IMPACT: variants seen among roughly 807,000 people sequenced by gnomAD.
IMPACT encodes the protein protein IMPACT.
A neutral mutation model predicts 47.5 loss-of-function variants in IMPACT; 35 were observed. The ratio of observed to expected loss-of-function variants is 0.74; its 90% CI spans 0.56 to 0.98. The LOEUF (loss-of-function observed/expected upper bound fraction) is 0.98, where lower values mean the gene tolerates loss of function less well. Among genes scored for constraint, IMPACT ranks in the 50% least tolerant of loss-of-function variants. The pLI is 0.00. For synonymous variants in IMPACT, 118 were observed against 125.6 expected (o/e 0.94, Z 0.40); for missense variants, 373 against 394.8 (o/e 0.94, Z 0.47).
chr18:24,450,922 G>T lies in IMPACT; in HGVS notation c.*75G>T. The T allele has an allele frequency of 1.1e-6, 1 of 890,448 alleles. No individual in the cohort carries two copies. Among genetic ancestry groups the T allele is most frequent in the Non-Finnish European group, 1.8e-6 (1 of 560,294 alleles). The allele number at this position is 890,448 out of a possible 1,614,324, so 55.2% of individuals were successfully genotyped here. A position where few individuals can be genotyped will look rare whatever the true frequency, so the allele number is the denominator to read the frequency against. On this transcript the variant is annotated 3_prime_UTR_variant, in exon 11 of 11. Coordinates refer to ENST00000284202, the MANE Select transcript of IMPACT (RefSeq NM_018439.4). ...CCATAGTCATCAAGGAATATATTGT[G>T]CAGAGAGAGTATCCTTGACTGCTTA... is the stretch of plus-strand genomic sequence containing the variant.
Position 24,452,292 on chromosome 18 carries a change from A to G in IMPACT, c.*1445A>G, listed in dbSNP as rs934326055. On this transcript the variant is annotated 3_prime_UTR_variant, in exon 11 of 11. Coordinates refer to ENST00000284202, the MANE Select transcript of IMPACT (RefSeq NM_018439.4). The stretch of plus-strand genomic sequence containing the variant: ...ATTCTAAATTATATTTGTTATAACT[A>G]TATTTTATGTTGTATGTTATCAGGA... 2 of 152,160 alleles carry G rather than the reference A, an allele frequency of 1.3e-5. No homozygotes were observed. The highest frequency in any genetic ancestry group is 3.2e-3 in the Middle Eastern group (1 of 316). 9.4% of individuals were successfully genotyped at this position (152,160 alleles called of 1,614,324 possible).
chr18:24,443,729 T>G (rs1183622345), intron 7 of IMPACT, among the ~76,000 whole-genome samples: 1 of 152,232 alleles, frequency 6.6e-6, no homozygotes, highest in Non-Finnish European at 1.5e-5. Flanking sequence ...TCCTTTGTGC[T>G]TCTTGATCTT....
At chr18:24,434,640 G>A (rs1235440253) in intron 4 of IMPACT, among the ~76,000 whole-genome samples, 1 of 151,668 alleles carries the variant, frequency 6.6e-6, no homozygotes, top group Non-Finnish European at 1.5e-5. Context: ...GTGCATACCT[G>A]TAATCCCAGC....
In IMPACT at chr18:24,451,080, C is replaced by A. The variant is rs1256518910; in HGVS notation, c.*233C>A. 1 of 330,994 alleles carries A rather than the reference C, an allele frequency of 3.0e-6. No homozygotes were observed. The highest frequency in any genetic ancestry group is 5.6e-6 in the Non-Finnish European group (1 of 179,882). 20.5% of individuals were successfully genotyped at this position (330,994 alleles called of 1,614,324 possible). ...GGGAGAACTAATTTGAACTTAATCA[C>A]CACTTCATCTAATTTTAGCAAGGTA... On this transcript the variant is annotated 3_prime_UTR_variant, in exon 11 of 11. Coordinates refer to ENST00000284202, the MANE Select transcript of IMPACT (RefSeq NM_018439.4).
At chr18:24,432,780 A>C (rs190894066) in intron 4 of IMPACT, among the ~76,000 whole-genome samples, 8 of 151,764 alleles carry the variant, frequency 5.3e-5, no homozygotes, top group Admixed American at 5.3e-4. Flanking sequence ...TCTAGTGGCC[A>C]TTTTTCAGCT....
intron 5 of IMPACT, among the ~76,000 whole-genome samples, 166 bp from the exon 6 acceptor site, chr18:24,440,330 G>A (rs1220866245): frequency 2.0e-5 from 3 of 152,102 alleles, no homozygotes; most frequent in Non-Finnish European, 4.4e-5. Flanking sequence ...GGTTCATCTT[G>A]TAGTTTCCTT....
At chr18:24,450,675 A>G in intron 10 of IMPACT, 104 bp from the exon 11 acceptor site, 1 of 680,242 alleles carries the variant, frequency 1.5e-6, no homozygotes, top group Non-Finnish European at 2.5e-6. Flanking sequence ...ATATGTATGA[A>G]TATATGTGGA....
At chr18:24,443,645 T>C (rs958667582) in intron 7 of IMPACT, among the ~76,000 whole-genome samples, 2 of 152,220 alleles carry the variant, frequency 1.3e-5, no homozygotes, top group Non-Finnish European at 2.9e-5. Flanking sequence ...ACTAAGTCCA[T>C]TCCTCTGTTA....
chr18:24,430,203 A>G, intron 3 of IMPACT, 119 bp from the exon 4 acceptor site: 2 of 589,518 alleles, frequency 3.4e-6, no homozygotes. Context: ...ATACAAATAT[A>G]AGACCATTTA....
intron 6 of IMPACT, among the ~76,000 whole-genome samples, chr18:24,441,139 G>C (rs757243085): frequency 6.6e-6 from 1 of 152,124 alleles, no homozygotes; most frequent in Admixed American, 6.6e-5. Context: ...CTCAGCCTCC[G>C]AGTAGCTGGG....
rs1300609215 is a variant in IMPACT at position 24,451,511 on chromosome 18, T to G, written c.*664T>G. On this transcript the variant is annotated 3_prime_UTR_variant, in exon 11 of 11. Coordinates refer to ENST00000284202, the MANE Select transcript of IMPACT (RefSeq NM_018439.4). ...TTGGTGATTGTGAAATTACAGAAAG[T>G]GATTTTCTAGTCTGCTTTTTTTGTT... 1 of 152,216 alleles carries G rather than the reference T, an allele frequency of 6.6e-6. No individual in the cohort carries two copies. The highest frequency in any genetic ancestry group is 1.5e-5 in the Non-Finnish European group (1 of 68,036). 9.4% of individuals were successfully genotyped at this position (152,216 alleles called of 1,614,324 possible).
At chr18:24,428,974 A>T in intron 3 of IMPACT, 53 bp downstream of exon 3, 2 of 1,267,436 alleles carry the variant, frequency 1.6e-6, no homozygotes, top group Non-Finnish European at 2.3e-6. Context: ...ATTCTGAAAG[A>T]TGTTTATACT....
At position 24,449,812 on chromosome 18, in the gene IMPACT, A is replaced by G. The variant is rs1355378219; in HGVS notation, c.760-7A>G. The stretch of plus-strand genomic sequence containing the variant: ...ATGTATCTAATTATGCTTCCAAAAA[A>G]TAACAGATTTTGAATGTGAAGAATG... On this transcript the variant is annotated splice_polypyrimidine_tract_variant and splice_region_variant and intron_variant, in intron 9 of 10. Coordinates refer to ENST00000284202, the MANE Select transcript of IMPACT (RefSeq NM_018439.4). The G allele has an allele frequency of 1.2e-6, 2 of 1,610,664 alleles. No individual in the cohort carries two copies. The highest frequency in any genetic ancestry group is 3.3e-5 in the Admixed American group (2 of 59,978).
In IMPACT at chr18:24,438,111, T is replaced by G; in HGVS notation, c.367+71T>G. 11 of 697,710 alleles carry G rather than the reference T, an allele frequency of 1.6e-5. No homozygotes were observed. The South Asian group carries it at 2.0e-4, about 13-fold the overall frequency. 43.2% of individuals were successfully genotyped at this position (697,710 alleles called of 1,614,324 possible). A position where few individuals can be genotyped will look rare whatever the true frequency, so the allele number is the denominator to read the frequency against. On this transcript the variant is annotated intron_variant, in intron 5 of 10. Coordinates refer to ENST00000284202, the MANE Select transcript of IMPACT (RefSeq NM_018439.4). ...TACATTTTTATGTAGATACTCTAGT[T>G]GAAATTTAATGTGAAAATCTGTATT...
At chr18:24,438,171 T>C (rs1237682134) in intron 5 of IMPACT, 131 bp downstream of exon 5, 3 of 526,066 alleles carry the variant, frequency 5.7e-6, no homozygotes, top group Non-Finnish European at 1.0e-5. Context: ...AAATACAAGT[T>C]TCTCTGAAAA....
At chr18:24,450,005 A>AT (rs71375138) in intron 10 of IMPACT, 52 bp downstream of exon 10, 70,801 of 1,578,364 alleles carry the variant, frequency 0.045, 1,925 homozygotes, top group Non-Finnish European at 0.054. Flanking sequence ...CTGCCTGGGA[A>AT]TTTTTTAAAA....
chr18:24,449,975 A>G (rs368201247), intron 10 of IMPACT, 22 bp downstream of exon 10: 2 of 1,607,902 alleles, frequency 1.2e-6, no homozygotes, highest in African/African-American at 1.3e-5. Flanking sequence ...TTCGTACTAC[A>G]TCTAGAGAAT....
Position 24,445,467 on chromosome 18 carries a change from G to A in IMPACT, c.668+1G>A. 1 of 1,574,954 alleles carries A rather than the reference G, an allele frequency of 6.3e-7. No homozygotes were observed. On this transcript the variant is annotated splice_donor_variant, in intron 8 of 10. Transcript: ENST00000284202. LOFTEE classifies it high-confidence loss of function. ...CCACCCACAACATCTATGCCTACAGGTGAGTAATCATCACAAGCTTTAGTA... is the reference window on the plus strand; with the variant it reads ...CCACCCACAACATCTATGCCTACAGATGAGTAATCATCACAAGCTTTAGTA...
intron 8 of IMPACT, among the ~76,000 whole-genome samples, chr18:24,446,468 T>G (rs1286158420): frequency 6.6e-6 from 1 of 152,232 alleles, no homozygotes; most frequent in African/African-American, 2.4e-5. Flanking sequence ...TTTGCTGATT[T>G]GTAAGTGAAG....
Sources: allele counts gnomAD v4.1 joint callset (sites outside exome capture counted in the v4.1 genomes callset), GRCh38; gene constraint gnomAD v4.1.1; transcripts MANE v1.5; gene names NCBI Gene and HGNC (gene_info 2026-07-23, HGNC 2026-07-21).